The following GPC5 variants were observed in gnomAD, a reference collection of about 807,000 sequenced individuals.
GPC5 encodes glypican-5.
A neutral mutation model predicts 53.9 loss-of-function variants in GPC5; 47 were observed. The ratio of observed to expected loss-of-function variants is 0.87; its 90% CI spans 0.69 to 1.11. The LOEUF is 1.11. Among genes scored for constraint, GPC5 ranks in the 50% most tolerant of loss-of-function variants. The probability of loss-of-function intolerance (pLI) is 0.00; values close to 1 mark genes in which losing one functional copy is unlikely to be tolerated. For missense variants in GPC5, 748 were observed against 713.1 expected, an observed-to-expected ratio of 1.05 and a Z score of -0.56; for synonymous variants, 286 against 263.3, an observed-to-expected ratio of 1.09 and a Z score of -0.84.
At chr13:92,501,329 A>C (rs1205020078) in intron 7 of GPC5, among the ~76,000 whole-genome samples, 1 of 152,176 alleles carries the variant, frequency 6.6e-6, no homozygotes, top group Admixed American at 6.5e-5. Context: ...GATAGGCACA[A>C]TCACAGGATG....
intron 1 of GPC5, among the ~76,000 whole-genome samples, chr13:91,425,014 G>A (rs1878940860): frequency 6.6e-6 from 1 of 152,130 alleles, no homozygotes. Flanking sequence ...TAGAAATAGG[G>A]TAGCTCAGTT....
intron 5 of GPC5, among the ~76,000 whole-genome samples, chr13:91,783,442 T>A (rs978780637): frequency 3.3e-5 from 5 of 152,120 alleles, no homozygotes; most frequent in Admixed American, 2.0e-4. Flanking sequence ...TTAATTAATT[T>A]ATTTATTTTG....
intron 7 of GPC5, among the ~76,000 whole-genome samples, chr13:92,768,800 C>T (rs1875507496): frequency 6.6e-6 from 1 of 151,378 alleles, no homozygotes; most frequent in South Asian, 2.1e-4. Flanking sequence ...AATATGCCTG[C>T]CTGGTCCACC....
At chr13:91,829,406 A>T (rs1469370889) in intron 5 of GPC5, among the ~76,000 whole-genome samples, 1 of 152,066 alleles carries the variant, frequency 6.6e-6, no homozygotes, top group Admixed American at 6.6e-5. Context: ...GGGAAAAACT[A>T]TGGAGGACAT....
At chr13:91,709,597 C>G (rs1215839777) in intron 3 of GPC5, among the ~76,000 whole-genome samples, 1 of 152,224 alleles carries the variant, frequency 6.6e-6, no homozygotes, top group Non-Finnish European at 1.5e-5. Context: ...AAGCTTTCCT[C>G]TGTAGAAATG....
intron 2 of GPC5, among the ~76,000 whole-genome samples, chr13:91,665,659 C>T (rs555657931): frequency 1.1e-4 from 16 of 152,186 alleles, no homozygotes; most frequent in South Asian, 6.2e-4. Flanking sequence ...CCCACCACCA[C>T]ACCCCGCTAA....
At chr13:92,718,515 G>GAGAT (rs979088046) in intron 7 of GPC5, among the ~76,000 whole-genome samples, 17 of 152,220 alleles carry the variant, frequency 1.1e-4, no homozygotes, top group African/African-American at 4.1e-4. Flanking sequence ...CGAACTCATG[G>GAGAT]AGATAGGGAA....
At chr13:91,618,136 A>G (rs1031618808) in intron 2 of GPC5, among the ~76,000 whole-genome samples, 3 of 152,106 alleles carry the variant, frequency 2.0e-5, no homozygotes, top group Non-Finnish European at 2.9e-5. Context: ...AGACACAGAC[A>G]TTAGAAGGGT....
At position 91,785,071 on chromosome 13, in the gene GPC5, T is replaced by C. The variant is rs114188851; in HGVS notation, c.1280+28651T>C. Among the ~76,000 whole-genome samples the C allele has an allele frequency of 6.0e-3, 917 of 152,342 alleles. 9 individuals are homozygous for C. The highest frequency in any genetic ancestry group is 0.021 in the African/African-American group (882 of 41,576). ...TGGCTACACGGATTCCACATTCTCT[T>C]GGTTGTGATTCTTTCTCACCGGTCA... is the stretch of plus-strand genomic sequence containing the variant. On this transcript the variant is annotated intron_variant, in intron 5 of 7. Coordinates refer to ENST00000377067, the MANE Select transcript of GPC5 (RefSeq NM_004466.6).
At chr13:92,723,455 G>T (rs527312451) in intron 7 of GPC5, among the ~76,000 whole-genome samples, 4 of 106,532 alleles carry the variant, frequency 3.8e-5, no homozygotes, top group South Asian at 6.6e-4. Context: ...AGCCATATTG[G>T]TAAAATGGCC....
At chr13:92,479,409 C>T (rs1879267986) in intron 7 of GPC5, among the ~76,000 whole-genome samples, 1 of 152,154 alleles carries the variant, frequency 6.6e-6, no homozygotes, top group African/African-American at 2.4e-5. Flanking sequence ...GAAGAGTTAC[C>T]TTTGATTTTC....
chr13:92,654,702 A>G lies in GPC5; in HGVS notation c.1562-211580A>G, dbSNP rs551411099. Among the ~76,000 whole-genome samples the G allele has an allele frequency of 7.9e-5, 12 of 152,108 alleles. No homozygotes were observed. In the East Asian group the frequency reaches 2.3e-3, roughly 29 times the overall value. ...ATAATATTCTCATGTCATGTTAAAA[A>G]TAGTTTTGTAATTTTATTTTTATAC... On this transcript the variant is annotated intron_variant, in intron 7 of 7. Transcript: ENST00000377067.
In GPC5 at chr13:91,789,866, C is replaced by T. The variant is rs190056602; in HGVS notation, c.1280+33446C>T. 2.1e-3 allele frequency among the ~76,000 whole-genome samples: 327 copies of T among 152,152 alleles called. 1 individual carries two copies. The highest frequency in any genetic ancestry group is 3.4e-3 in the Middle Eastern group (1 of 294). ...ATCTGGTAGCTTCTGGTAAGGGCTT[C>T]GTGCTCAGTCAAACAAAACACAGCG... is the stretch of plus-strand genomic sequence containing the variant. On this transcript the variant is annotated intron_variant, in intron 5 of 7. Transcript: ENST00000377067.
At chr13:92,411,263 C>CT (rs1454345268) in intron 7 of GPC5, among the ~76,000 whole-genome samples, 2 of 151,988 alleles carry the variant, frequency 1.3e-5, no homozygotes, top group African/African-American at 4.8e-5. Context: ...TAGCGAGACT[C>CT]TATCTCAAAA....
intron 6 of GPC5, among the ~76,000 whole-genome samples, chr13:91,970,378 A>G (rs2040230123): frequency 6.6e-6 from 1 of 152,142 alleles, no homozygotes; most frequent in Non-Finnish European, 1.5e-5. Flanking sequence ...CAATGTCATG[A>G]TTAGAGTTAA....
chr13:92,553,055 A>G (rs757406146), intron 7 of GPC5, among the ~76,000 whole-genome samples: 6 of 151,950 alleles, frequency 3.9e-5, no homozygotes, highest in Non-Finnish European at 7.4e-5. Context: ...AGGTATCTAC[A>G]TACCTCCTAA....
At chr13:92,244,335 C>A (rs376322237) in intron 7 of GPC5, among the ~76,000 whole-genome samples, 1 of 152,028 alleles carries the variant, frequency 6.6e-6, no homozygotes, top group African/African-American at 2.4e-5. Context: ...TATGATATTA[C>A]GACATTTGAT....
At chr13:92,336,017 C>A (rs1334615069) in intron 7 of GPC5, among the ~76,000 whole-genome samples, 1 of 152,142 alleles carries the variant, frequency 6.6e-6, no homozygotes, top group Non-Finnish European at 1.5e-5. Context: ...TGTAGTAGTT[C>A]CAGCTAGCAG....
rs1161054406 is a variant in GPC5 at position 91,515,006 on chromosome 13, TTAAA to T, written c.325+66088_325+66091del. On this transcript the variant is annotated intron_variant, in intron 2 of 7. Coordinates refer to ENST00000377067, the MANE Select transcript of GPC5 (RefSeq NM_004466.6). ...CATTTTAAGTGATATTAGTTGAAAA[TTAAA>T]TAATACTAAAATTCACTTTCTCAGT... 3.9e-5 allele frequency among the ~76,000 whole-genome samples: 6 copies of T among 152,338 alleles called. 1 individual carries two copies. The highest frequency in any genetic ancestry group is 1.4e-4 in the African/African-American group (6 of 41,586).
Sources: gnomAD v4.1 joint callset for allele counts (sites outside exome capture counted in the v4.1 genomes callset) on GRCh38, gnomAD v4.1.1 for gene constraint, MANE v1.5 for transcripts, NCBI Gene and HGNC (gene_info 2026-07-23, HGNC 2026-07-21) for gene names.